OR1B1: variants seen among roughly 807,000 people sequenced by gnomAD.
The protein encoded by OR1B1 is olfactory receptor family 1 subfamily B member 1, also known as olfactory receptor 1B1.
For missense variants in OR1B1, 414 were observed against 402.1 expected (o/e 1.03, Z -0.25); for synonymous variants, 168 against 156.2 (o/e 1.08, Z -0.57).
the OR1B1 span, among the ~76,000 whole-genome samples, chr9:122,641,331 G>C: frequency 1.3e-5 from 2 of 152,168 alleles, no homozygotes; most frequent in Non-Finnish European, 2.9e-5. Flanking sequence ...TTAATTGAGT[G>C]TTTCTTCTAA....
chr9:122,657,286 A>G, the OR1B1 span, among the ~76,000 whole-genome samples: 3 of 152,290 alleles, frequency 2.0e-5, no homozygotes, highest in African/African-American at 7.2e-5. Flanking sequence ...TTAAATCTTT[A>G]CCACAATTAT....
At chr9:122,641,491 G>T in the OR1B1 span, among the ~76,000 whole-genome samples, 39 of 152,262 alleles carry the variant, frequency 2.6e-4, no homozygotes, top group African/African-American at 8.7e-4. Flanking sequence ...CAGTCAAAGT[G>T]GTGGGGAAAG....
At chr9:122,647,572 C>A in the OR1B1 span, among the ~76,000 whole-genome samples, 1 of 152,074 alleles carries the variant, frequency 6.6e-6, no homozygotes, top group Non-Finnish European at 1.5e-5. Flanking sequence ...AATAAATGAA[C>A]TTGAAATAAA....
chr9:122,629,203 A>T, exon 1 of OR1B1: 2 of 1,614,118 alleles, frequency 1.2e-6, no homozygotes, highest in South Asian at 2.2e-5. Context: ...GTGTATCTGT[A>T]ACCCCAAATG....
chr9:122,637,221 G>GA, the OR1B1 span: 1 of 152,170 alleles, frequency 6.6e-6, no homozygotes, highest in Non-Finnish European at 1.5e-5. Flanking sequence ...TTGATTTGAA[G>GA]AAGGGAAACG....
chr9:122,648,300 A>T, the OR1B1 span, among the ~76,000 whole-genome samples: 9 of 152,338 alleles, frequency 5.9e-5, 1 homozygote, highest in South Asian at 1.9e-3. Flanking sequence ...AGAACCAATG[A>T]CAAAAACCAC....
the OR1B1 span, among the ~76,000 whole-genome samples, chr9:122,653,140 C>T: frequency 1.1e-4 from 16 of 152,246 alleles, no homozygotes; most frequent in African/African-American, 2.2e-4. Context: ...ATAGAAAAGG[C>T]TCTGAGGAAT....
At chr9:122,633,963 C>T (rs941315327), upstream of OR1B1, among the ~76,000 whole-genome samples, 2 of 151,620 alleles carry the variant, frequency 1.3e-5, no homozygotes, top group Non-Finnish European at 1.5e-5. Context: ...GCAAAAAGAA[C>T]GTGTATTAGT....
the OR1B1 span, among the ~76,000 whole-genome samples, chr9:122,654,700 C>A: frequency 3.3e-5 from 5 of 152,286 alleles, no homozygotes; most frequent in South Asian, 2.1e-4. Flanking sequence ...CTGGTAACCA[C>A]CTTTCTACTT....
chr9:122,651,396 T>C, the OR1B1 span, among the ~76,000 whole-genome samples: 2 of 152,210 alleles, frequency 1.3e-5, no homozygotes, highest in Non-Finnish European at 2.9e-5. Flanking sequence ...CCTGCAGTGC[T>C]ATAGAACACT....
At chr9:122,640,016 AT>A in the OR1B1 span, among the ~76,000 whole-genome samples, 1 of 151,956 alleles carries the variant, frequency 6.6e-6, no homozygotes, top group East Asian at 1.9e-4. Flanking sequence ...ACCATTTCTG[AT>A]TTTACAAATG....
At chr9:122,646,528 C>CAA in the OR1B1 span, among the ~76,000 whole-genome samples, 13 of 135,506 alleles carry the variant, frequency 9.6e-5, no homozygotes, top group African/African-American at 2.4e-4. Flanking sequence ...CAATGAAGAC[C>CAA]AAAAAAAAAA....
At chr9:122,634,063 A>G (rs544002025), upstream of OR1B1, among the ~76,000 whole-genome samples, 5 of 152,230 alleles carry the variant, frequency 3.3e-5, no homozygotes, top group South Asian at 8.3e-4. Context: ...TTAGCCAGGC[A>G]TGGTGGCACA....
chr9:122,634,056 G>A (rs1020478144), upstream of OR1B1, among the ~76,000 whole-genome samples: 23 of 152,078 alleles, frequency 1.5e-4, no homozygotes, highest in African/African-American at 5.6e-4. Flanking sequence ...TACAAAATTA[G>A]CCAGGCATGG....
At chr9:122,648,670 A>G in the OR1B1 span, among the ~76,000 whole-genome samples, 20 of 152,218 alleles carry the variant, frequency 1.3e-4, no homozygotes, top group African/African-American at 4.8e-4. Context: ...AGAGAATAAA[A>G]TACCTAGAAA....
the OR1B1 span, among the ~76,000 whole-genome samples, chr9:122,645,789 C>G: frequency 2.0e-4 from 30 of 152,162 alleles, 1 homozygote; most frequent in East Asian, 4.6e-3. Context: ...ACAAGAAATG[C>G]TAAAGGGAGT....
At chr9:122,638,922 C>T in the OR1B1 span, among the ~76,000 whole-genome samples, 1 of 152,168 alleles carries the variant, frequency 6.6e-6, no homozygotes, top group East Asian at 1.9e-4. Flanking sequence ...AGGCTCATAA[C>T]GGACTATATT....
chr9:122,637,448 T>C, the OR1B1 span, among the ~76,000 whole-genome samples: 1 of 152,168 alleles, frequency 6.6e-6, no homozygotes, highest in East Asian at 1.9e-4. Context: ...TCTTCTAGGA[T>C]TGCCTTACTC....
chr9:122,649,972 C>T, the OR1B1 span, among the ~76,000 whole-genome samples: 1 of 152,060 alleles, frequency 6.6e-6, no homozygotes, highest in African/African-American at 2.4e-5. Flanking sequence ...GCACTGTTCA[C>T]AATAGCAAAG....
Sources: gnomAD v4.1 joint callset for allele counts (sites outside exome capture counted in the v4.1 genomes callset) on GRCh38, gnomAD v4.1.1 for gene constraint, MANE v1.5 for transcripts, NCBI Gene and HGNC (gene_info 2026-07-23, HGNC 2026-07-21) for gene names.